Variants in REXO2 observed in about 807,000 individuals in gnomAD.
The protein encoded by REXO2 is RNA exonuclease 2.
REXO2 carries 17 observed loss-of-function variants against 30.9 expected under a neutral mutation model. The ratio of observed to expected loss-of-function variants is 0.55; its 90% CI spans 0.38 to 0.82. REXO2 has a LOEUF of 0.82. REXO2 is among the 40% of genes least tolerant of loss of function. The probability of loss-of-function intolerance (pLI) is 0.00; values close to 1 mark genes in which losing one functional copy is unlikely to be tolerated. For synonymous variants in REXO2, 105 were observed against 99.6 expected, an observed-to-expected ratio of 1.05 and a Z score of -0.32; for missense variants, 253 against 293.2, an observed-to-expected ratio of 0.86 and a Z score of 1.00.
At position 114,447,847 on chromosome 11, in the gene REXO2, T is replaced by C. The variant is rs1303308353; in HGVS notation, c.552T>C (p.Tyr184=). The C allele has an allele frequency of 2.5e-6, 4 of 1,613,704 alleles. No individual in the cohort carries two copies. Among genetic ancestry groups the C allele is most frequent in the South Asian group, 2.2e-5 (2 of 91,040 alleles). Residue 184 remains tyrosine (Y), a synonymous_variant, in exon 6 of 7, where the codon TAT becomes TAC. Coordinates refer to ENST00000265881, the MANE Select transcript of REXO2 (RefSeq NM_015523.4). ...ATAGACGCTGGTATCCAGAAGAATA[T>C]GAATTTGCACCAAAGAAGGCTGCTT... is the stretch of plus-strand genomic sequence containing the variant. ...ELCRRWYPEE[Y]EFAPKKAASH...
At chr11:114,440,274 A>G (rs1555028965) in intron 1 of REXO2, 1 of 384,948 alleles carries the variant, frequency 2.6e-6, no homozygotes, top group Non-Finnish European at 5.0e-6. Flanking sequence ...GGATAATAAC[A>G]GTAGTTTTTC....
chr11:114,441,856 C>G, intron 2 of REXO2: 2 of 653,324 alleles, frequency 3.1e-6, no homozygotes, highest in Non-Finnish European at 5.5e-6. Flanking sequence ...TACTTCTCAT[C>G]ATAACAACTT....
chr11:114,440,591 A>G, intron 1 of REXO2, 65 bp from the exon 2 acceptor site: 1 of 1,213,020 alleles, frequency 8.2e-7, no homozygotes, highest in Non-Finnish European at 1.2e-6. Context: ...CCTGTTAAAT[A>G]AACTTGGGTA....
chr11:114,444,448 G>T (rs1591211331), intron 3 of REXO2, 93 bp from the exon 4 acceptor site: 1 of 850,098 alleles, frequency 1.2e-6, no homozygotes, highest in East Asian at 2.5e-5. Flanking sequence ...GGTTATATTT[G>T]CCCATTTTAA....
chr11:114,448,530 T>TA (rs1946525444), intron 6 of REXO2, among the ~76,000 whole-genome samples: 1 of 152,242 alleles, frequency 6.6e-6, no homozygotes, highest in Admixed American at 6.5e-5. Context: ...CTGGCATTCT[T>TA]ACATTATTTT....
chr11:114,444,036 G>C, intron 3 of REXO2, 103 bp downstream of exon 3: 1 of 849,124 alleles, frequency 1.2e-6, no homozygotes, highest in Non-Finnish European at 2.0e-6. Flanking sequence ...TTTTAAAAAG[G>C]CTTAGAGAAG....
At chr11:114,447,466 G>A (rs1420198633) in intron 5 of REXO2, among the ~76,000 whole-genome samples, 1 of 152,168 alleles carries the variant, frequency 6.6e-6, no homozygotes, top group East Asian at 1.9e-4. Flanking sequence ...TAGATATGGT[G>A]GATGGGGCAG....
chr11:114,449,906 C>G lies in REXO2; in HGVS notation c.645C>G (p.Phe215Leu). 1 of 1,607,290 alleles carries G rather than the reference C, an allele frequency of 6.2e-7. No homozygotes were observed. Among genetic ancestry groups the G allele is most frequent in the African/African-American group, 1.3e-5 (1 of 74,442 alleles). Reference protein sequence around the residue: ...KELQFYRNNIFKKKIDEKKRK... With the variant: ...KELQFYRNNILKKKIDEKKRK... The stretch of plus-strand genomic sequence containing the variant: ...TTCAGTTTTACCGAAATAACATCTT[C>G]AAGAAAAAAATAGATGAAAAGAAGA... The change falls in exon 7 of 7, where the codon TTC becomes TTG. Residue 215 changes from phenylalanine to leucine, a missense_variant. Physicochemically the swap from Phe to Leu is conservative, Grantham distance 22 (BLOSUM62 0). Coordinates refer to ENST00000265881, the MANE Select transcript of REXO2 (RefSeq NM_015523.4).
Position 114,439,508 on chromosome 11 carries a change from C to A in REXO2, c.-21C>A. The A allele has an allele frequency of 1.9e-6, 3 of 1,601,518 alleles. No individual in the cohort carries two copies. The highest frequency in any genetic ancestry group is 1.1e-5 in the South Asian group (1 of 90,824). On this transcript the variant is annotated 5_prime_UTR_variant, in exon 1 of 7. Transcript: ENST00000265881. ...CCAGCGCCGGCTGCGAGACTGGGGC[C>A]GTGGCTGCTGGTCCCGGGTGATGCT...
intron 1 of REXO2, 121 bp downstream of exon 1, chr11:114,439,796 G>C: frequency 8.0e-7 from 1 of 1,242,974 alleles, no homozygotes; most frequent in Non-Finnish European, 1.1e-6. Flanking sequence ...AGGTGAGCGC[G>C]GCCGGCCACG....
At position 114,439,537 on chromosome 11, in the gene REXO2, C is replaced by A; in HGVS notation, c.9C>A (p.Gly3=). ML[G]GSLGSRLLRG... Reference sequence around the variant, plus strand: ...GCTGCTGGTCCCGGGTGATGCTAGGCGGCTCCCTGGGCTCCAGGCTGTTGC... The same window carrying A: ...GCTGCTGGTCCCGGGTGATGCTAGGAGGCTCCCTGGGCTCCAGGCTGTTGC... The change falls in exon 1 of 7, where the codon GGC becomes GGA. Residue 3 remains glycine (G), a synonymous_variant. Transcript: ENST00000265881. The A allele has an allele frequency of 6.2e-7, 1 of 1,607,094 alleles. No individual in the cohort carries two copies. The highest frequency in any genetic ancestry group is 8.5e-7 in the Non-Finnish European group (1 of 1,179,418).
At chr11:114,446,920 G>A (rs983651436) in intron 5 of REXO2, among the ~76,000 whole-genome samples, 11 of 145,826 alleles carry the variant, frequency 7.5e-5, no homozygotes, top group Non-Finnish European at 1.4e-4. Context: ...GTGGTAGAAA[G>A]ATAGAAAGGA....
In REXO2 at chr11:114,444,782, C is replaced by G. The variant is rs114623188; in HGVS notation, c.421+130C>G. 1,656 of 461,002 alleles carry G rather than the reference C, an allele frequency of 3.6e-3. 34 individuals carry two copies. Among genetic ancestry groups the G allele is most frequent in the African/African-American group, 0.031 (1,512 of 49,262 alleles). 28.6% of individuals were successfully genotyped at this position (461,002 alleles called of 1,614,324 possible). ...CCCTGCTTTGGGTTACACATCTTAACTTTTCTGTTCAAGTTTCTCTGTGTA... is the reference window on the plus strand; with the variant it reads ...CCCTGCTTTGGGTTACACATCTTAAGTTTTCTGTTCAAGTTTCTCTGTGTA... On this transcript the variant is annotated intron_variant, in intron 4 of 6. Coordinates refer to ENST00000265881, the MANE Select transcript of REXO2 (RefSeq NM_015523.4).
At chr11:114,447,740 C>A (rs1221317070) in intron 5 of REXO2, 86 bp from the exon 6 acceptor site, 2 of 1,137,050 alleles carry the variant, frequency 1.8e-6, no homozygotes, top group Non-Finnish European at 2.5e-6. Flanking sequence ...ATGCCATTTT[C>A]AATGTTAATG....
In REXO2 at chr11:114,444,672, A is replaced by G. The variant is rs913031376; in HGVS notation, c.421+20A>G. 9 of 1,489,830 alleles carry G rather than the reference A, an allele frequency of 6.0e-6. No individual in the cohort carries two copies. Among genetic ancestry groups the G allele is most frequent in the African/African-American group, 2.8e-5 (2 of 70,840 alleles). 92.3% of individuals were successfully genotyped at this position (1,489,830 alleles called of 1,614,324 possible). A position where few individuals can be genotyped will look rare whatever the true frequency, so the allele number is the denominator to read the frequency against. ...TTGCAGGTAAAATCCAATCCTGTGT[A>G]TATCTTATAGTCTTCCATATGTAGT... On this transcript the variant is annotated intron_variant, in intron 4 of 6. Transcript: ENST00000265881.
intron 6 of REXO2, 46 bp from the exon 7 acceptor site, chr11:114,449,800 C>T: frequency 1.3e-6 from 2 of 1,547,224 alleles, no homozygotes; most frequent in Non-Finnish European, 1.7e-6. Context: ...TGATTTTCAT[C>T]TCCTGGTTTT....
At chr11:114,440,055 G>A in intron 1 of REXO2, 1 of 481,764 alleles carries the variant, frequency 2.1e-6, no homozygotes. Flanking sequence ...AGGTTGTTAG[G>A]GCCAGACGGG....
At chr11:114,447,236 C>A (rs2366159) in intron 5 of REXO2, among the ~76,000 whole-genome samples, 21,111 of 152,170 alleles carry the variant, frequency 0.14, 2,264 homozygotes, top group African/African-American at 0.28. Context: ...TGAAAGGAGG[C>A]TTTTCTGCCA....
intron 6 of REXO2, among the ~76,000 whole-genome samples, chr11:114,448,549 T>C (rs548593970): frequency 4.2e-4 from 64 of 152,214 alleles, no homozygotes; most frequent in Non-Finnish European, 1.0e-4. Context: ...TTATTGAGTG[T>C]ATGTAGACTG....
Sources: allele counts gnomAD v4.1 joint callset (sites outside exome capture counted in the v4.1 genomes callset), GRCh38; gene constraint gnomAD v4.1.1; transcripts MANE v1.5; gene names NCBI Gene and HGNC (gene_info 2026-07-23, HGNC 2026-07-21).